Variants in XPOT observed in about 807,000 individuals in gnomAD.
The protein encoded by XPOT is exportin-T.
A neutral mutation model predicts 128.2 loss-of-function variants in XPOT; 34 were observed. The observed-to-expected ratio is 0.27, with a 90% CI of 0.20 to 0.35. The LOEUF (loss-of-function observed/expected upper bound fraction) is 0.35, where lower values mean the gene tolerates loss of function less well. Among genes scored for constraint, XPOT ranks in the 10% least tolerant of loss-of-function variants. The probability of loss-of-function intolerance (pLI) is 1.00; values close to 1 mark genes in which losing one functional copy is unlikely to be tolerated. For missense variants in XPOT, 838 were observed against 1,125.3 expected, an observed-to-expected ratio of 0.74 and a Z score of 3.65; for synonymous variants, 348 against 394.3, an observed-to-expected ratio of 0.88 and a Z score of 1.39.
intron 23 of XPOT, among the ~76,000 whole-genome samples, chr12:64,443,573 A>G (rs995158658): frequency 1.3e-4 from 20 of 151,568 alleles, no homozygotes; most frequent in Non-Finnish European, 2.5e-4. Context: ...TTCCACCTCA[A>G]CCTCCCAAGT....
chr12:64,449,696 T>C lies in XPOT; in HGVS notation c.*1565T>C, dbSNP rs575504017. Reference sequence around the variant, plus strand: ...TTAACTAAATTGACAGTTATAAAAATAAATCAGTGAAATGTACCTTATACT... The same window carrying C: ...TTAACTAAATTGACAGTTATAAAAACAAATCAGTGAAATGTACCTTATACT... On this transcript the variant is annotated 3_prime_UTR_variant, in exon 25 of 25. Transcript: ENST00000332707. The C allele has an allele frequency of 6.6e-6, 1 of 152,330 alleles. No individual in the cohort carries two copies. The highest frequency in any genetic ancestry group is 2.1e-4 in the South Asian group (1 of 4,828). The allele number at this position is 152,330 out of a possible 1,614,324, so 9.4% of individuals were successfully genotyped here. A position where few individuals can be genotyped will look rare whatever the true frequency, so the allele number is the denominator to read the frequency against.
chr12:64,417,529 CAAAA>C (rs55993660), intron 4 of XPOT, among the ~76,000 whole-genome samples: 3 of 107,126 alleles, frequency 2.8e-5, no homozygotes, highest in Non-Finnish European at 6.1e-5. Context: ...GACCTTGTCT[CAAAA>C]AAAAAAAAAA....
intron 4 of XPOT, 86 bp from the exon 5 acceptor site, chr12:64,417,960 C>G: frequency 1.9e-6 from 2 of 1,026,432 alleles, no homozygotes. Context: ...TACAAATTTT[C>G]CCTTTCAAAT....
rs1218234371 is a variant in XPOT, at chr12:64,440,794, G to C, written c.2805+1479G>C. On this transcript the variant is annotated intron_variant, in intron 23 of 24. Transcript: ENST00000332707. Reference sequence around the variant, plus strand: ...AGTCTTTACCCCATTTTCTAATCAAGTTATTAAGTTTTTTGCTATTGAATT... The same window carrying C: ...AGTCTTTACCCCATTTTCTAATCAACTTATTAAGTTTTTTGCTATTGAATT... Among the ~76,000 whole-genome samples, 3 of 152,210 alleles carry C rather than the reference G, an allele frequency of 2.0e-5. No individual in the cohort carries two copies. The South Asian group carries it at 6.2e-4, about 32-fold the overall frequency.
chr12:64,438,055 CAA>C (rs1430371097), intron 22 of XPOT, among the ~76,000 whole-genome samples: 10 of 152,134 alleles, frequency 6.6e-5, no homozygotes, highest in African/African-American at 2.2e-4. Flanking sequence ...AAGACAGTCT[CAA>C]GAGAGGAGAT....
chr12:64,441,901 A>C (rs1300783894), intron 23 of XPOT, among the ~76,000 whole-genome samples: 2 of 151,840 alleles, frequency 1.3e-5, no homozygotes. Context: ...GCTGGTCTCA[A>C]ACTCCTAACC....
chr12:64,439,180 C>T lies in XPOT; in HGVS notation c.2734-64C>T, dbSNP rs375058750. ...CCTTTAAAGTGTACATGTATTGTTCCGATTCTTTTTAAGCTTATTAATGTC... is the reference window on the plus strand; with the variant it reads ...CCTTTAAAGTGTACATGTATTGTTCTGATTCTTTTTAAGCTTATTAATGTC... On this transcript the variant is annotated intron_variant, in intron 22 of 24. Coordinates refer to ENST00000332707, the MANE Select transcript of XPOT (RefSeq NM_007235.6). The T allele has an allele frequency of 3.4e-5, 50 of 1,470,686 alleles. No individual in the cohort carries two copies. In the Admixed American group the frequency reaches 4.2e-4, roughly 12 times the overall value. 91.1% of individuals were successfully genotyped at this position (1,470,686 alleles called of 1,614,324 possible). A position where few individuals can be genotyped will look rare whatever the true frequency, so the allele number is the denominator to read the frequency against.
chr12:64,436,729 C>T (rs1592338683), intron 22 of XPOT, among the ~76,000 whole-genome samples: 1 of 149,822 alleles, frequency 6.7e-6, no homozygotes, highest in Admixed American at 6.6e-5. Context: ...TACAGGCGCA[C>T]GCCACCACAC....
chr12:64,433,999 T>G (rs2040260795), intron 19 of XPOT, among the ~76,000 whole-genome samples: 1 of 152,122 alleles, frequency 6.6e-6, no homozygotes, highest in Non-Finnish European at 1.5e-5. Context: ...AAACTGATTT[T>G]TCATTGTTTT....
intron 22 of XPOT, among the ~76,000 whole-genome samples, chr12:64,437,933 C>T (rs915900322): frequency 6.6e-6 from 1 of 152,098 alleles, no homozygotes; most frequent in Non-Finnish European, 1.5e-5. Context: ...GAGCTGAGAT[C>T]GTGGCACTGC....
chr12:64,419,649 C>T (rs76775211), intron 6 of XPOT, among the ~76,000 whole-genome samples: 1,664 of 152,238 alleles, frequency 0.011, 35 homozygotes, highest in African/African-American at 0.038. Context: ...GTGACATACA[C>T]GAGTTGATTT....
At chr12:64,415,034 C>A in intron 3 of XPOT, 45 bp downstream of exon 3, 1 of 1,139,178 alleles carries the variant, frequency 8.8e-7, no homozygotes, top group Non-Finnish European at 1.3e-6. Context: ...TTTCTGTGGA[C>A]ATGACAGGAC....
At chr12:64,405,828 G>A (rs967222108) in intron 1 of XPOT, among the ~76,000 whole-genome samples, 1 of 152,190 alleles carries the variant, frequency 6.6e-6, no homozygotes, top group Admixed American at 6.5e-5. Flanking sequence ...GTGTTAGCCA[G>A]GATGGTCTCG....
rs143571150 is a variant in XPOT, at chr12:64,436,324, G to A, written c.2733+650G>A. ...AGGTTGGAATGCAGTGGTGCAATCT[G>A]GGGTCACTGCAGCCTCCACCTCCTG... is the stretch of plus-strand genomic sequence containing the variant. On this transcript the variant is annotated intron_variant, in intron 22 of 24. Transcript: ENST00000332707. Among the ~76,000 whole-genome samples, 39 of 152,022 alleles carry A rather than the reference G, an allele frequency of 2.6e-4. 1 individual carries two copies. The East Asian group carries it at 7.6e-3, about 30-fold the overall frequency.
chr12:64,427,576 A>G (rs1340125086), intron 15 of XPOT, among the ~76,000 whole-genome samples: 1 of 151,902 alleles, frequency 6.6e-6, no homozygotes, highest in African/African-American at 2.4e-5. Context: ...GTTCACTGCA[A>G]CCTCAACCTC....
At position 64,448,919 on chromosome 12, in the gene XPOT, C is replaced by G. The variant is rs561829269; in HGVS notation, c.*788C>G. 6.6e-6 allele frequency: 1 copy of G among 152,214 alleles called. No individual in the cohort carries two copies. Among genetic ancestry groups the G allele is most frequent in the Admixed American group, 6.5e-5 (1 of 15,294 alleles). The allele number at this position is 152,214 out of a possible 1,614,324, so 9.4% of individuals were successfully genotyped here. A position where few individuals can be genotyped will look rare whatever the true frequency, so the allele number is the denominator to read the frequency against. ...TGTTGATAGAATTTAAAATTCCAGG[C>G]CGGGCGTGGTGGCTCACGACTGTAA... On this transcript the variant is annotated 3_prime_UTR_variant, in exon 25 of 25. Coordinates refer to ENST00000332707, the MANE Select transcript of XPOT (RefSeq NM_007235.6).
chr12:64,424,209 G>A (rs1020800375), intron 11 of XPOT, among the ~76,000 whole-genome samples: 2 of 152,184 alleles, frequency 1.3e-5, no homozygotes, highest in South Asian at 4.1e-4. Context: ...AAGGTGCAAA[G>A]AATTCAAAGC....
chr12:64,421,578 A>G (rs1482558841), intron 9 of XPOT, 107 bp downstream of exon 9: 4 of 707,954 alleles, frequency 5.7e-6, no homozygotes, highest in Non-Finnish European at 9.6e-6. Flanking sequence ...TAATTCTACT[A>G]CCTAAAGATA....
chr12:64,420,946 G>T (rs562874934), intron 8 of XPOT, among the ~76,000 whole-genome samples: 1 of 152,160 alleles, frequency 6.6e-6, no homozygotes, highest in South Asian at 2.1e-4. Context: ...GATTACAGGC[G>T]CATGCCACTA....
Sources: allele counts gnomAD v4.1 joint callset (sites outside exome capture counted in the v4.1 genomes callset), GRCh38; gene constraint gnomAD v4.1.1; transcripts MANE v1.5; gene names NCBI Gene and HGNC (gene_info 2026-07-23, HGNC 2026-07-21).